CNTNAP2: variants seen among roughly 807,000 people sequenced by gnomAD.
The protein encoded by CNTNAP2 is contactin associated protein 2.
Under a neutral mutation model 155.2 loss-of-function variants are expected in CNTNAP2, and 98 were observed. That is an observed-to-expected ratio of 0.63 (90% confidence interval 0.54 to 0.75). CNTNAP2 has a LOEUF of 0.75. Ranked by LOEUF, CNTNAP2 falls within the 30% of genes least tolerant of loss-of-function variation. CNTNAP2 has a pLI of 0.00. For missense variants in CNTNAP2, 1,727 were observed against 1,688.1 expected, an observed-to-expected ratio of 1.02 and a Z score of -0.40; for synonymous variants, 651 against 631.2, an observed-to-expected ratio of 1.03 and a Z score of -0.47.
chr7:147,299,341 C>A (rs967793198), intron 8 of CNTNAP2, among the ~76,000 whole-genome samples: 7 of 151,748 alleles, frequency 4.6e-5, no homozygotes, highest in Non-Finnish European at 1.0e-4. Flanking sequence ...AGCTAATGGA[C>A]AATTCAATCT....
intron 1 of CNTNAP2, among the ~76,000 whole-genome samples, chr7:146,430,420 A>C (rs991192548): frequency 6.6e-6 from 1 of 152,044 alleles, no homozygotes; most frequent in Admixed American, 6.6e-5. Context: ...AGTATATACC[A>C]CTTGTAATAT....
At chr7:148,301,403 C>G (rs1361250094) in intron 21 of CNTNAP2, among the ~76,000 whole-genome samples, 2 of 149,652 alleles carry the variant, frequency 1.3e-5, no homozygotes, top group Admixed American at 1.3e-4. Flanking sequence ...TTTCCTTCCT[C>G]TGTGCCTCAG....
chr7:148,144,926 G>C (rs549758163), intron 16 of CNTNAP2, among the ~76,000 whole-genome samples: 12 of 152,102 alleles, frequency 7.9e-5, no homozygotes, highest in Non-Finnish European at 1.6e-4. Context: ...AAGACCAAGA[G>C]CAATCAGCCA....
intron 11 of CNTNAP2, among the ~76,000 whole-genome samples, chr7:147,524,237 G>A (rs1051316088): frequency 2.0e-5 from 3 of 152,048 alleles, no homozygotes; most frequent in African/African-American, 2.4e-5. Flanking sequence ...GAAAAATAGC[G>A]TGGCTAGCCG....
intron 13 of CNTNAP2, among the ~76,000 whole-genome samples, chr7:147,691,905 C>T (rs1211715742): frequency 6.6e-6 from 1 of 152,174 alleles, no homozygotes; most frequent in South Asian, 2.1e-4. Context: ...TAGGGTTCAC[C>T]CTTGCTGTTG....
chr7:146,784,782 T>A (rs999692454), intron 2 of CNTNAP2, among the ~76,000 whole-genome samples: 3 of 152,148 alleles, frequency 2.0e-5, no homozygotes, highest in Non-Finnish European at 2.9e-5. Flanking sequence ...TTACAGATTC[T>A]TAGTGGTCTG....
At position 147,128,773 on chromosome 7, in the gene CNTNAP2, C is replaced by T. The variant is rs781590630; in HGVS notation, c.1020C>T (p.Ile340=). The T allele has an allele frequency of 1.4e-5, 22 of 1,613,958 alleles. 1 individual carries two copies. The Admixed American group carries it at 3.0e-4, about 22-fold the overall frequency. The part of the protein sequence containing the change: ...RKNFKGCMES[I]NYNGVNITDL... ...ATTTCAAAGGCTGCATGGAAAGCAT[C>T]AACTACAATGGCGTCAACATTACTG... The change falls in exon 7 of 24, where the codon ATC becomes ATT. Residue 340 remains isoleucine (I), a synonymous_variant. Transcript: ENST00000361727.
intron 1 of CNTNAP2, among the ~76,000 whole-genome samples, chr7:146,245,471 C>G (rs1245014151): frequency 6.6e-6 from 1 of 152,184 alleles, no homozygotes; most frequent in Non-Finnish European, 1.5e-5. Flanking sequence ...GCAGCCGCTG[C>G]ACGCAGACAT....
chr7:146,953,728 G>A (rs1797371502), intron 3 of CNTNAP2, among the ~76,000 whole-genome samples: 1 of 151,864 alleles, frequency 6.6e-6, no homozygotes, highest in Admixed American at 6.6e-5. Flanking sequence ...ATTTCTAGTA[G>A]AGTACCTGAG....
At chr7:146,826,855 T>TAGAGAGAGAG (rs1453854243) in intron 2 of CNTNAP2, among the ~76,000 whole-genome samples, 15 of 140,076 alleles carry the variant, frequency 1.1e-4, no homozygotes, top group African/African-American at 4.2e-4. Flanking sequence ...TATATATATA[T>TAGAGAGAGAG]ATAGAGAGAG....
chr7:146,207,937 G>C (rs1798973026), intron 1 of CNTNAP2, among the ~76,000 whole-genome samples: 1 of 151,926 alleles, frequency 6.6e-6, no homozygotes, highest in Non-Finnish European at 1.5e-5. Context: ...CAGAAATAAA[G>C]CCCAAAATTT....
At chr7:147,070,176 T>G (rs1799863034) in intron 4 of CNTNAP2, among the ~76,000 whole-genome samples, 1 of 152,238 alleles carries the variant, frequency 6.6e-6, no homozygotes, top group Non-Finnish European at 1.5e-5. Flanking sequence ...GTGCTTTGTT[T>G]TCACTTTAAA....
At chr7:147,270,519 A>G (rs971846011) in intron 8 of CNTNAP2, among the ~76,000 whole-genome samples, 2 of 152,210 alleles carry the variant, frequency 1.3e-5, no homozygotes, top group African/African-American at 4.8e-5. Flanking sequence ...TGTGGCTCCC[A>G]TTATATTTCT....
At chr7:148,122,946 T>A (rs1175527097) in intron 16 of CNTNAP2, among the ~76,000 whole-genome samples, 1 of 152,076 alleles carries the variant, frequency 6.6e-6, no homozygotes, top group Non-Finnish European at 1.5e-5. Context: ...GACGGGAAGA[T>A]CCTAGAATGA....
At chr7:147,983,017 C>CAAAAAAAAAAA (rs35946958) in intron 15 of CNTNAP2, among the ~76,000 whole-genome samples, 1 of 80,878 alleles carries the variant, frequency 1.2e-5, no homozygotes. Context: ...GACTCCACCT[C>CAAAAAAAAAAA]AAAAAAAAAA....
At position 147,096,240 on chromosome 7, in the gene CNTNAP2, C is replaced by T. The variant is rs191964873; in HGVS notation, c.551-11907C>T. ...AGAAGACATAAATGTGGGCCAGTAG[C>T]TAGCAGCCTCTGCATAATACAACTC... On this transcript the variant is annotated intron_variant, in intron 4 of 23. Transcript: ENST00000361727. 1.6e-3 allele frequency among the ~76,000 whole-genome samples: 247 copies of T among 152,300 alleles called. 1 individual carries two copies. Among genetic ancestry groups the T allele is most frequent in the African/African-American group, 5.5e-3 (227 of 41,566 alleles).
intron 1 of CNTNAP2, among the ~76,000 whole-genome samples, chr7:146,652,475 A>G (rs1245524026): frequency 6.6e-6 from 1 of 152,146 alleles, no homozygotes; most frequent in African/African-American, 2.4e-5. Context: ...GATTTTTGAC[A>G]GGTATGATTA....
intron 1 of CNTNAP2, among the ~76,000 whole-genome samples, chr7:146,644,546 A>T (rs1051104804): frequency 6.6e-6 from 1 of 152,100 alleles, no homozygotes; most frequent in Non-Finnish European, 1.5e-5. Flanking sequence ...GTGCTGCTGG[A>T]TTCGGTTTGC....
chr7:147,184,315 C>A (rs1304991722), intron 8 of CNTNAP2, among the ~76,000 whole-genome samples: 2 of 152,150 alleles, frequency 1.3e-5, no homozygotes, highest in Middle Eastern at 3.2e-3. Flanking sequence ...TGCCTGAGGT[C>A]TTTACCATTT....
Sources: gnomAD v4.1 joint callset for allele counts (sites outside exome capture counted in the v4.1 genomes callset) on GRCh38, gnomAD v4.1.1 for gene constraint, MANE v1.5 for transcripts, NCBI Gene and HGNC (gene_info 2026-07-23, HGNC 2026-07-21) for gene names.